The following NYAP2 variants were observed in gnomAD, a reference collection of about 807,000 sequenced individuals.
NYAP2 encodes the protein neuronal tyrosine-phosphorylated phosphoinositide-3-kinase adaptor 2, also known as neuronal tyrosine-phosphorylated phosphoinositide-3-kinase adapter 2.
NYAP2 carries 23 observed loss-of-function variants against 50.4 expected under a neutral mutation model. The observed-to-expected ratio is 0.46, with a 90% CI of 0.33 to 0.65. The LOEUF (loss-of-function observed/expected upper bound fraction) is 0.65, where lower values mean the gene tolerates loss of function less well. NYAP2 is among the 30% of genes least tolerant of loss of function. The pLI, the probability that NYAP2 is intolerant of heterozygous loss-of-function variation, is 0.02. For synonymous variants in NYAP2, 394 were observed against 365.2 expected, an observed-to-expected ratio of 1.08 and a Z score of -0.90; for missense variants, 885 against 861.0, an observed-to-expected ratio of 1.03 and a Z score of -0.35.
chr2:225,572,603 G>A (rs1692093025), intron 4 of NYAP2, among the ~76,000 whole-genome samples: 1 of 152,188 alleles, frequency 6.6e-6, no homozygotes, highest in Non-Finnish European at 1.5e-5. Context: ...GGGATTATGG[G>A]AATTACAATT....
intron 3 of NYAP2, among the ~76,000 whole-genome samples, chr2:225,477,479 G>T (rs925531783): frequency 7.9e-5 from 12 of 151,810 alleles, no homozygotes; most frequent in Non-Finnish European, 1.5e-4. Context: ...CTCGTGATCC[G>T]CCTGCCTCGG....
chr2:225,573,507 C>T (rs1161794622), intron 4 of NYAP2, among the ~76,000 whole-genome samples: 1 of 152,104 alleles, frequency 6.6e-6, no homozygotes, highest in African/African-American at 2.4e-5. Flanking sequence ...GCCTCAGTCC[C>T]CCAAAGTGCT....
At chr2:225,619,502 G>A (rs1385581960) in intron 5 of NYAP2, among the ~76,000 whole-genome samples, 7 of 152,190 alleles carry the variant, frequency 4.6e-5, no homozygotes, top group African/African-American at 1.7e-4. Context: ...ATGTTGATGA[G>A]GAAGAGTGAA....
chr2:225,406,886 G>A (rs557934795), intron 2 of NYAP2, among the ~76,000 whole-genome samples: 4 of 152,078 alleles, frequency 2.6e-5, no homozygotes, highest in East Asian at 1.9e-4. Flanking sequence ...TAGAAACTGC[G>A]TAGGAATCTC....
chr2:225,445,459 T>A (rs532295345), intron 3 of NYAP2, among the ~76,000 whole-genome samples: 2 of 152,210 alleles, frequency 1.3e-5, no homozygotes, highest in East Asian at 3.9e-4. Flanking sequence ...AGTAAGCAGA[T>A]CTTAGAATTG....
At position 225,482,782 on chromosome 2, in the gene NYAP2, C is replaced by T. The variant is rs187992402; in HGVS notation, c.222-30589C>T. Among the ~76,000 whole-genome samples, 375 of 152,242 alleles carry T rather than the reference C, an allele frequency of 2.5e-3. 2 individuals are homozygous for T. The highest frequency in any genetic ancestry group is 1.9e-3 in the Non-Finnish European group (130 of 68,008). Reference sequence around the variant, plus strand: ...TGGATTCCCTAGGCAGCTCTTTTCCCCAGCCAGCCCTACCCCAAACAAACT... The same window carrying T: ...TGGATTCCCTAGGCAGCTCTTTTCCTCAGCCAGCCCTACCCCAAACAAACT... On this transcript the variant is annotated intron_variant, in intron 3 of 6. Coordinates refer to ENST00000636099, the Ensembl canonical transcript of NYAP2.
downstream of NYAP2, chr2:225,654,063 C>T (rs553260099): frequency 6.6e-6 from 1 of 152,036 alleles, no homozygotes; most frequent in African/African-American, 2.4e-5. Flanking sequence ...ATTAAAAGTC[C>T]TTTTCTCACC....
At chr2:225,682,586 G>A in the NYAP2 span, among the ~76,000 whole-genome samples, 2 of 152,190 alleles carry the variant, frequency 1.3e-5, no homozygotes, top group Non-Finnish European at 2.9e-5. Flanking sequence ...GAGGAAAGGA[G>A]ACTTGTCATT....
the NYAP2 span, chr2:225,702,955 A>G: frequency 1.3e-5 from 2 of 151,634 alleles, no homozygotes; most frequent in African/African-American, 4.8e-5. Context: ...CGTACAGTAT[A>G]CATACTGTAT....
chr2:225,664,308 T>G, the NYAP2 span, among the ~76,000 whole-genome samples: 95,417 of 152,094 alleles, frequency 0.63, 30,892 homozygotes, highest in South Asian at 0.82. Context: ...TATAATTGTT[T>G]GCATTAGAAT....
At chr2:225,692,653 CTATG>C in the NYAP2 span, among the ~76,000 whole-genome samples, 1 of 151,708 alleles carries the variant, frequency 6.6e-6, no homozygotes, top group Non-Finnish European at 1.5e-5. Context: ...AATTTATATA[CTATG>C]TATGTATGAA....
chr2:225,634,906 G>A (rs1383165576), intron 6 of NYAP2, among the ~76,000 whole-genome samples: 5 of 152,188 alleles, frequency 3.3e-5, no homozygotes, highest in Non-Finnish European at 7.3e-5. Flanking sequence ...ATAAGCAACA[G>A]AGCTGGGATT....
chr2:225,585,404 G>T (rs1451865847), intron 5 of NYAP2, among the ~76,000 whole-genome samples: 3 of 152,188 alleles, frequency 2.0e-5, no homozygotes, highest in Non-Finnish European at 4.4e-5. Context: ...ATTAACTAAT[G>T]AAGCTATTTC....
chr2:225,518,319 T>C (rs1690971986), intron 4 of NYAP2, among the ~76,000 whole-genome samples: 1 of 150,930 alleles, frequency 6.6e-6, no homozygotes, highest in South Asian at 2.1e-4. Context: ...CCTGTAGAAG[T>C]AAAGAGTAGC....
chr2:225,511,046 A>G (rs1430233299), intron 3 of NYAP2, among the ~76,000 whole-genome samples: 1 of 152,152 alleles, frequency 6.6e-6, no homozygotes, highest in East Asian at 1.9e-4. Flanking sequence ...AAATGGGATG[A>G]CTGGCTAAAT....
intron 3 of NYAP2, among the ~76,000 whole-genome samples, chr2:225,482,842 T>A (rs1275093476): frequency 6.6e-6 from 1 of 152,120 alleles, no homozygotes; most frequent in African/African-American, 2.4e-5. Flanking sequence ...TTACTGCTAA[T>A]GCAAAGAACA....
chr2:225,490,178 A>T (rs1690380049), intron 3 of NYAP2, among the ~76,000 whole-genome samples: 1 of 152,166 alleles, frequency 6.6e-6, no homozygotes, highest in Non-Finnish European at 1.5e-5. Flanking sequence ...TTGTCAGAGC[A>T]CTTTGGAAAG....
At chr2:225,408,950 G>A in exon 3 of NYAP2, 1 of 1,612,072 alleles carries the variant, frequency 6.2e-7, no homozygotes, top group Non-Finnish European at 8.5e-7. Flanking sequence ...CCAGTACATT[G>A]AGGATATGGG....
chr2:225,551,468 C>T (rs546899328), intron 4 of NYAP2, among the ~76,000 whole-genome samples: 4 of 152,288 alleles, frequency 2.6e-5, no homozygotes, highest in African/African-American at 9.6e-5. Flanking sequence ...GAGACTTCAG[C>T]TATACCACAT....
Sources: gnomAD v4.1 joint callset for allele counts (sites outside exome capture counted in the v4.1 genomes callset) on GRCh38, gnomAD v4.1.1 for gene constraint, MANE v1.5 for transcripts, NCBI Gene and HGNC (gene_info 2026-07-23, HGNC 2026-07-21) for gene names.